ADAMTS13: variants seen among roughly 807,000 people sequenced by gnomAD.
The protein encoded by ADAMTS13 is A disintegrin and metalloproteinase with thrombospondin motifs 13.
ADAMTS13 carries 110 observed loss-of-function variants against 155.1 expected under a neutral mutation model. The observed-to-expected ratio is 0.71, with a 90% CI of 0.61 to 0.83. ADAMTS13 has a LOEUF of 0.83. ADAMTS13 is among the 40% of genes least tolerant of loss of function. The probability of loss-of-function intolerance (pLI) is 0.00; values close to 1 mark genes in which losing one functional copy is unlikely to be tolerated. For missense variants in ADAMTS13, 1,707 were observed against 1,891.7 expected (o/e 0.90, Z 1.81); for synonymous variants, 758 against 756.4 (o/e 1.00, Z -0.03).
intron 28 of ADAMTS13, 73 bp downstream of exon 28, chr9:133,458,167 C>A: frequency 1.3e-6 from 2 of 1,553,254 alleles, no homozygotes; most frequent in East Asian, 2.4e-5. Flanking sequence ...CTAGGGGACC[C>A]CCTTCAGTTT....
upstream of ADAMTS13, chr9:133,417,669 G>T: frequency 1.2e-6 from 2 of 1,614,098 alleles, no homozygotes; most frequent in South Asian, 2.2e-5. Flanking sequence ...TGCCTTTGGA[G>T]GTCGCACCAC....
At chr9:133,419,641 C>A (rs189394560), upstream of ADAMTS13, among the ~76,000 whole-genome samples, 2 of 152,258 alleles carry the variant, frequency 1.3e-5, no homozygotes, top group East Asian at 3.9e-4. Flanking sequence ...GAATAAACCA[C>A]ATCAGATGCT....
chr9:133,456,519 C>T lies in ADAMTS13; in HGVS notation c.3548-24C>T. On this transcript the variant is annotated intron_variant, in intron 26 of 28. Coordinates refer to ENST00000355699, the MANE Select transcript of ADAMTS13 (RefSeq NM_139027.6). This position sits in a 1 kb window ranked among gnomAD's most constrained non-coding sequence, Gnocchi z 4.4. Reference sequence around the variant, plus strand: ...CTGACCAGGCGTGGGAGTGCTGGACCCTCACTGCCCTGCCGCTTCCTAGGG... The same window carrying T: ...CTGACCAGGCGTGGGAGTGCTGGACTCTCACTGCCCTGCCGCTTCCTAGGG... 1.2e-6 allele frequency: 2 copies of T among 1,610,938 alleles called. No homozygotes were observed.
intron 18 of ADAMTS13, among the ~76,000 whole-genome samples, chr9:133,443,041 G>A (rs1841793287): frequency 6.6e-6 from 1 of 152,216 alleles, no homozygotes; most frequent in Admixed American, 6.5e-5. Flanking sequence ...GGTACTCATG[G>A]TGAGATGGAG....
chr9:133,447,484 C>T (rs1185658456), intron 21 of ADAMTS13, among the ~76,000 whole-genome samples: 1 of 152,180 alleles, frequency 6.6e-6, no homozygotes, highest in African/African-American at 2.4e-5. Flanking sequence ...TGTTGCCCAG[C>T]CTGATCTCCT....
At chr9:133,422,336 C>G (rs1840005860), upstream of ADAMTS13, 1 of 1,106,754 alleles carries the variant, frequency 9.0e-7, no homozygotes, top group African/African-American at 1.5e-5. Flanking sequence ...ACTGCCTAAT[C>G]GTCCCGCCCA....
Position 133,441,556 on chromosome 9 carries a change from G to A in ADAMTS13, c.1969-843G>A, listed in dbSNP as rs1309290467. Among the ~76,000 whole-genome samples, 1 of 152,234 alleles carries A rather than the reference G, an allele frequency of 6.6e-6. No homozygotes were observed. The highest frequency in any genetic ancestry group is 6.5e-5 in the Admixed American group (1 of 15,288). On this transcript the variant is annotated intron_variant, in intron 16 of 28. Coordinates refer to ENST00000355699, the MANE Select transcript of ADAMTS13 (RefSeq NM_139027.6). The surrounding 1 kb of genome is among the most constrained non-coding windows in gnomAD (Gnocchi z 5.0). ...CTGGCCAGATGTGGGCATCGAGGGG[G>A]CAGGTGCGGAATGTCACCTCGCCCT...
intron 22 of ADAMTS13, 106 bp from the exon 23 acceptor site, chr9:133,449,677 C>A: frequency 1.5e-6 from 2 of 1,369,710 alleles, no homozygotes; most frequent in South Asian, 2.4e-5. Context: ...GGGCCCTTCC[C>A]AGCTTCCTGT....
chr9:133,421,400 C>G (rs782012158), upstream of ADAMTS13, among the ~76,000 whole-genome samples: 3 of 152,232 alleles, frequency 2.0e-5, no homozygotes, highest in Non-Finnish European at 2.9e-5. Context: ...AAAGCACACC[C>G]TTCCCTCCAG....
intron 23 of ADAMTS13, 79 bp from the exon 24 acceptor site, chr9:133,454,336 T>A (rs1842614010): frequency 2.0e-6 from 3 of 1,516,326 alleles, no homozygotes; most frequent in African/African-American, 1.4e-5. Flanking sequence ...CGAGTACACG[T>A]GGGTGGAGAG....
At chr9:133,435,588 G>A (rs1841134147) in intron 11 of ADAMTS13, among the ~76,000 whole-genome samples, 1 of 150,314 alleles carries the variant, frequency 6.7e-6, no homozygotes, top group Admixed American at 6.6e-5. Flanking sequence ...GGAGTGCGGT[G>A]GCGCGATCTC....
chr9:133,456,601 G>C lies in ADAMTS13; in HGVS notation c.3606G>C (p.Leu1202Phe). 4 of 1,613,340 alleles carry C rather than the reference G, an allele frequency of 2.5e-6. No homozygotes were observed. In the African/African-American group the frequency reaches 5.3e-5, roughly 22 times the overall value. The stretch of plus-strand genomic sequence containing the variant: ...GGAGGAAGATGTGCAGGAAGCTGTT[G>C]GACATGACTTTCAGCTCCAAGACCA... Reference protein sequence around the residue: ...LTWRKMCRKLLDMTFSSKTNT... With the variant: ...LTWRKMCRKLFDMTFSSKTNT... The change falls in exon 27 of 29, where the codon TTG becomes TTC. Residue 1202 changes from leucine to phenylalanine, a missense_variant. This residue lies in a region of ADAMTS13 where 961 missense variants were observed against 1,107.9 expected (regional missense o/e 0.87). Transcript: ENST00000355699. This position sits in a 1 kb window ranked among gnomAD's most constrained non-coding sequence, Gnocchi z 4.4.
rs1229236550 is a variant in ADAMTS13, at chr9:133,441,545, G to C, written c.1969-854G>C. 6.6e-6 allele frequency among the ~76,000 whole-genome samples: 1 copy of C among 152,202 alleles called. No homozygotes were observed. Among genetic ancestry groups the C allele is most frequent in the Non-Finnish European group, 1.5e-5 (1 of 68,040 alleles). On this transcript the variant is annotated intron_variant, in intron 16 of 28. Coordinates refer to ENST00000355699, the MANE Select transcript of ADAMTS13 (RefSeq NM_139027.6). This position sits in a 1 kb window ranked among gnomAD's most constrained non-coding sequence, Gnocchi z 5.0. ...GGCTTGCGGCACTGGCCAGATGTGGGCATCGAGGGGGCAGGTGCGGAATGT... is the reference window on the plus strand; with the variant it reads ...GGCTTGCGGCACTGGCCAGATGTGGCCATCGAGGGGGCAGGTGCGGAATGT...
At chr9:133,444,237 T>G (rs1348995091) in intron 19 of ADAMTS13, among the ~76,000 whole-genome samples, 1 of 152,202 alleles carries the variant, frequency 6.6e-6, no homozygotes, top group Non-Finnish European at 1.5e-5. Flanking sequence ...CCCTTGAACC[T>G]GGTGATCCAA....
chr9:133,434,920 A>AGTG, intron 11 of ADAMTS13, among the ~76,000 whole-genome samples: 15 of 152,178 alleles, frequency 9.9e-5, no homozygotes, highest in Non-Finnish European at 2.1e-4. Flanking sequence ...CCCCAGCGGC[A>AGTG]CGTCCCCAAG....
At chr9:133,429,619 C>G (rs1840580308) in intron 7 of ADAMTS13, 2 of 520,008 alleles carry the variant, frequency 3.8e-6, no homozygotes, top group South Asian at 3.5e-5. Flanking sequence ...CTCCCCCACC[C>G]GCGTACATGT....
chr9:133,427,962 G>A (rs1840392824), intron 6 of ADAMTS13, among the ~76,000 whole-genome samples: 1 of 152,228 alleles, frequency 6.6e-6, no homozygotes, highest in Non-Finnish European at 1.5e-5. Context: ...ACACTGGTGG[G>A]CGTGTCTTAT....
Position 133,449,963 on chromosome 9 carries a change from T to C in ADAMTS13, c.3042T>C (p.Pro1014=). 1 of 1,599,520 alleles carries C rather than the reference T, an allele frequency of 6.3e-7. No homozygotes were observed. Among genetic ancestry groups the C allele is most frequent in the Non-Finnish European group, 8.5e-7 (1 of 1,175,024 alleles). ...CCTGCAGCCTGGAGCCCTGCCCACC[T>C]AGGTGAGTCAGCCGGTGATGGGAGG... ...QEACSLEPCP[P]RWKVMSLGPC... Residue 1014 remains proline (P), a splice_region_variant and synonymous_variant, in exon 23 of 29, where the codon CCT becomes CCC. Transcript: ENST00000355699.
At chr9:133,438,433 CG>C in intron 14 of ADAMTS13, 67 bp downstream of exon 14, 1 of 1,601,430 alleles carries the variant, frequency 6.2e-7, no homozygotes, top group Non-Finnish European at 8.5e-7. Flanking sequence ...CAGCCCAGAG[CG>C]TTGGTGCAGG....
Sources: gnomAD v4.1 joint callset for allele counts (sites outside exome capture counted in the v4.1 genomes callset) on GRCh38, gnomAD v4.1.1 for gene constraint, gnomAD v4.1.1 regional missense constraint, Gnocchi (gnomAD v3.1) non-coding constraint, MANE v1.5 for transcripts, NCBI Gene and HGNC (gene_info 2026-07-23, HGNC 2026-07-21) for gene names.